Variants in FAM135B observed in about 807,000 individuals in gnomAD.
The protein encoded by FAM135B is protein FAM135B.
Under a neutral mutation model 127.7 loss-of-function variants are expected in FAM135B, and 43 were observed. The ratio of observed to expected loss-of-function variants is 0.34; its 90% CI spans 0.26 to 0.43. FAM135B has a LOEUF of 0.43. Ranked by LOEUF, FAM135B falls within the 20% of genes least tolerant of loss-of-function variation. FAM135B has a pLI of 1.00. For synonymous variants in FAM135B, 670 were observed against 665.1 expected, an observed-to-expected ratio of 1.01 and a Z score of -0.11; for missense variants, 1,558 against 1,725.6, an observed-to-expected ratio of 0.90 and a Z score of 1.72.
rs1277122189 is a variant in FAM135B, at chr8:138,152,203, C to T, written c.2272G>A (p.Asp758Asn). 3 of 1,614,122 alleles carry T rather than the reference C, an allele frequency of 1.9e-6. No homozygotes were observed. Among genetic ancestry groups the T allele is most frequent in the Non-Finnish European group, 1.7e-6 (2 of 1,180,036 alleles). The change falls in exon 13 of 20, where the codon GAT (aspartate) becomes AAT (asparagine). Residue 758 changes from aspartate (D) to asparagine (N), a missense_variant. This residue lies in a region of FAM135B where 923 missense variants were observed against 865.3 expected (regional missense o/e 1.07). Transcript: ENST00000395297. The stretch of plus-strand genomic sequence containing the variant: ...TTAGTGAGTGCCACCTCCCGCTCAT[C>T]CTCCTCAAAAGGTAAAGAGCTAATG... ...TSISSLPFEE[D>N]EREVALTKLT...
At chr8:138,365,823 A>C (rs1029381784) in intron 2 of FAM135B, among the ~76,000 whole-genome samples, 2 of 152,186 alleles carry the variant, frequency 1.3e-5, no homozygotes, top group Non-Finnish European at 2.9e-5. Flanking sequence ...AGTATTTTGC[A>C]ATGTCAGTCT....
chr8:138,357,020 T>C (rs937088662), intron 2 of FAM135B, among the ~76,000 whole-genome samples: 2 of 152,148 alleles, frequency 1.3e-5, no homozygotes, highest in Admixed American at 6.6e-5. Context: ...TGTTCAATGA[T>C]AGAAGAGTTT....
chr8:138,440,187 G>T (rs1228880179), intron 1 of FAM135B: 2 of 152,152 alleles, frequency 1.3e-5, no homozygotes, highest in African/African-American at 4.8e-5. Context: ...TAAAGTTCCA[G>T]GTGAGAGGTA....
At chr8:138,441,940 G>A (rs535138772) in intron 1 of FAM135B, among the ~76,000 whole-genome samples, 45 of 151,762 alleles carry the variant, frequency 3.0e-4, no homozygotes, top group African/African-American at 1.0e-3. Context: ...AAGGAAGGAG[G>A]AAATAAGGGG....
chr8:138,395,484 C>T (rs1444588871), intron 1 of FAM135B, among the ~76,000 whole-genome samples: 1 of 152,168 alleles, frequency 6.6e-6, no homozygotes, highest in Non-Finnish European at 1.5e-5. Context: ...TACTTACCAC[C>T]TGGGTGACCT....
At chr8:138,165,358 G>T (rs188830013) in intron 12 of FAM135B, among the ~76,000 whole-genome samples, 86 of 152,118 alleles carry the variant, frequency 5.7e-4, no homozygotes, top group African/African-American at 2.0e-3. Context: ...GACCTCAGGT[G>T]ATCCACCCGC....
chr8:138,425,476 C>T (rs1444924781), intron 1 of FAM135B: 7 of 152,286 alleles, frequency 4.6e-5, no homozygotes, highest in African/African-American at 1.7e-4. Context: ...ACAGAACCTC[C>T]TTATGTATTC....
intron 3 of FAM135B, among the ~76,000 whole-genome samples, chr8:138,266,176 A>T (rs974307929): frequency 1.3e-5 from 2 of 152,084 alleles, no homozygotes; most frequent in South Asian, 4.2e-4. Flanking sequence ...GCATTCCATA[A>T]ACCTCCTCTC....
intron 7 of FAM135B, among the ~76,000 whole-genome samples, chr8:138,213,507 CTTTTT>C (rs142780602): frequency 7.2e-6 from 1 of 139,608 alleles, no homozygotes; most frequent in Admixed American, 7.2e-5. Flanking sequence ...TATGTAATTT[CTTTTT>C]TTTTTTTTTT....
At chr8:138,411,073 T>C (rs2131405112) in intron 1 of FAM135B, among the ~76,000 whole-genome samples, 1 of 132,540 alleles carries the variant, frequency 7.5e-6, no homozygotes, top group Middle Eastern at 3.7e-3. Flanking sequence ...CCGAAGGTAA[T>C]TTACAGATTC....
chr8:138,135,623 A>G (rs1816591258), intron 19 of FAM135B, among the ~76,000 whole-genome samples: 2 of 152,110 alleles, frequency 1.3e-5, no homozygotes, highest in Admixed American at 6.6e-5. Context: ...TTGGCAAAAA[A>G]CTTTAAGAGT....
At chr8:138,219,962 A>AT (rs1818894209) in intron 7 of FAM135B, among the ~76,000 whole-genome samples, 1 of 151,518 alleles carries the variant, frequency 6.6e-6, no homozygotes, top group Non-Finnish European at 1.5e-5. Flanking sequence ...ATATTAACTC[A>AT]TTTTTTTCTC....
At chr8:138,405,152 T>C (rs1453011506) in intron 1 of FAM135B, among the ~76,000 whole-genome samples, 4 of 152,054 alleles carry the variant, frequency 2.6e-5, no homozygotes, top group African/African-American at 9.7e-5. Context: ...CAAATTAATC[T>C]CCATCAGAGT....
upstream of FAM135B, among the ~76,000 whole-genome samples, chr8:138,497,486 G>C (rs1815442587): frequency 6.6e-6 from 1 of 152,106 alleles, no homozygotes; most frequent in Non-Finnish European, 1.5e-5. Flanking sequence ...CCCAGGCCTC[G>C]GGCAGGAAAA....
chr8:138,281,526 A>C (rs1824264423), intron 3 of FAM135B, among the ~76,000 whole-genome samples: 1 of 152,024 alleles, frequency 6.6e-6, no homozygotes. Flanking sequence ...AGCTCGAGGA[A>C]ATTTTTAGTC....
rs771013904 is a variant in FAM135B at position 138,251,022 on chromosome 8, G to A, written c.369-8C>T. 1.2e-6 allele frequency: 2 copies of A among 1,613,636 alleles called. No homozygotes were observed. Among genetic ancestry groups the A allele is most frequent in the East Asian group, 2.2e-5 (1 of 44,870 alleles). Reference sequence around the variant, plus strand: ...CCAGCCACATCCCTCAACCTAGAAGGCAAGCATGTGAGCTCACGTGAGAAA... The same window carrying A: ...CCAGCCACATCCCTCAACCTAGAAGACAAGCATGTGAGCTCACGTGAGAAA... On this transcript the variant is annotated splice_region_variant and splice_polypyrimidine_tract_variant and intron_variant, in intron 5 of 19. Transcript: ENST00000395297.
chr8:138,415,981 T>C (rs112641073), intron 1 of FAM135B, among the ~76,000 whole-genome samples: 40 of 152,328 alleles, frequency 2.6e-4, no homozygotes, highest in African/African-American at 8.9e-4. Flanking sequence ...CTAGCCTCAA[T>C]GTTCTCTGCA....
At chr8:138,267,870 G>A (rs977132693) in intron 3 of FAM135B, among the ~76,000 whole-genome samples, 1 of 152,198 alleles carries the variant, frequency 6.6e-6, no homozygotes, top group African/African-American at 2.4e-5. Context: ...TATTCAAATT[G>A]ATGCGGCTAT....
intron 1 of FAM135B, among the ~76,000 whole-genome samples, chr8:138,416,696 T>G (rs1000042411): frequency 6.6e-6 from 1 of 152,036 alleles, no homozygotes; most frequent in African/African-American, 2.4e-5. Flanking sequence ...TTGAGCAAGA[T>G]GGCTGACTAG....
Sources: gnomAD v4.1 joint callset for allele counts (sites outside exome capture counted in the v4.1 genomes callset) on GRCh38, gnomAD v4.1.1 for gene constraint, gnomAD v4.1.1 regional missense constraint, MANE v1.5 for transcripts, NCBI Gene and HGNC (gene_info 2026-07-23, HGNC 2026-07-21) for gene names.